Variants in ARMH4 observed in about 807,000 individuals in gnomAD.
ARMH4 encodes armadillo-like helical domain-containing protein 4.
Under a neutral mutation model 61.9 loss-of-function variants are expected in ARMH4, and 49 were observed. The observed-to-expected ratio is 0.79, with a 90% CI of 0.63 to 1.00. The LOEUF (loss-of-function observed/expected upper bound fraction) is 1.00, where lower values mean the gene tolerates loss of function less well. Among genes scored for constraint, ARMH4 ranks in the 50% least tolerant of loss-of-function variants. The probability of loss-of-function intolerance (pLI) is 0.00; values close to 1 mark genes in which losing one functional copy is unlikely to be tolerated. For missense variants in ARMH4, 934 were observed against 930.0 expected, an observed-to-expected ratio of 1.00 and a Z score of -0.06; for synonymous variants, 368 against 341.5, an observed-to-expected ratio of 1.08 and a Z score of -0.85.
Position 58,147,316 on chromosome 14 carries a change from G to T in ARMH4, c.-57+4759C>A, listed in dbSNP as rs1037861286. On this transcript the variant is annotated intron_variant, in intron 1 of 7. Coordinates refer to ENST00000267485, the MANE Select transcript of ARMH4 (RefSeq NM_001001872.4). The stretch of plus-strand genomic sequence containing the variant: ...CAATCTATTTTATACAATCCAGATG[G>T]TTTTTTTTTTTTTTTTTGATAGGAA... Among the ~76,000 whole-genome samples the T allele has an allele frequency of 7.5e-5, 10 of 132,536 alleles. No homozygotes were observed. In the South Asian group the frequency reaches 1.7e-3, roughly 22 times the overall value. 86.9% of individuals were successfully genotyped at this position (132,536 alleles called of 152,430 possible).
chr14:58,026,870 T>C (rs1054292091), intron 5 of ARMH4, among the ~76,000 whole-genome samples: 21 of 152,348 alleles, frequency 1.4e-4, no homozygotes, highest in African/African-American at 3.6e-4. Context: ...GATTGCCTAC[T>C]GACCAAGTGG....
intron 5 of ARMH4, among the ~76,000 whole-genome samples, chr14:58,053,659 C>A (rs1285225511): frequency 6.6e-6 from 1 of 152,180 alleles, no homozygotes; most frequent in African/African-American, 2.4e-5. Flanking sequence ...CTGGGGATTA[C>A]TTGATGAATG....
At chr14:58,083,297 C>T (rs1885285372) in intron 5 of ARMH4, among the ~76,000 whole-genome samples, 1 of 152,150 alleles carries the variant, frequency 6.6e-6, no homozygotes, top group African/African-American at 2.4e-5. Context: ...TATTAAGTAT[C>T]AGCCAGGCAT....
chr14:58,131,704 T>C lies in ARMH4; in HGVS notation c.1639A>G (p.Thr547Ala). Residue 547 changes from threonine to alanine, a missense_variant, in exon 4 of 8, where the codon ACA (threonine) becomes GCA (alanine). Thr to Ala is a moderately conservative substitution (Grantham distance 58, BLOSUM62 0). Transcript: ENST00000267485. ...GGTGTGAACTCCTCATTTGGCCCTGTGACTGTGTCCATTTGTTCTGCCAAA... is the reference window on the plus strand; with the variant it reads ...GGTGTGAACTCCTCATTTGGCCCTGCGACTGTGTCCATTTGTTCTGCCAAA... The part of the protein sequence containing the change: ...PTVEEQMDTV[T>A]GPNEEFTPVL... 3 of 1,613,030 alleles carry C rather than the reference T, an allele frequency of 1.9e-6. No homozygotes were observed. The highest frequency in any genetic ancestry group is 1.7e-6 in the Non-Finnish European group (2 of 1,179,960).
At chr14:58,012,195 T>A in intron 5 of ARMH4, 45 bp from the exon 6 acceptor site, 1 of 1,146,032 alleles carries the variant, frequency 8.7e-7, no homozygotes, top group East Asian at 2.6e-5. Flanking sequence ...CATCTTTTAC[T>A]TATAATTCAT....
At chr14:58,055,275 C>A (rs1374830556) in intron 5 of ARMH4, among the ~76,000 whole-genome samples, 1 of 152,176 alleles carries the variant, frequency 6.6e-6, no homozygotes, top group Non-Finnish European at 1.5e-5. Flanking sequence ...CAGAAAGCAA[C>A]AAATATGTCC....
chr14:58,114,022 A>C (rs1194062292), intron 4 of ARMH4, among the ~76,000 whole-genome samples: 2 of 151,918 alleles, frequency 1.3e-5, no homozygotes, highest in South Asian at 2.1e-4. Flanking sequence ...AGCCAATCTT[A>C]CTTGGCTTTG....
chr14:58,131,870 A>C (rs1359766472), intron 3 of ARMH4, 149 bp from the exon 4 acceptor site: 3 of 660,592 alleles, frequency 4.5e-6, no homozygotes, highest in Non-Finnish European at 7.8e-6. Flanking sequence ...CCTTTCCCAT[A>C]TTGTATTAAT....
chr14:58,096,639 T>C (rs925274811), intron 5 of ARMH4, 85 bp downstream of exon 5: 29 of 1,458,894 alleles, frequency 2.0e-5, no homozygotes, highest in African/African-American at 1.3e-4. Context: ...TTCTTTACAA[T>C]AGATGGCAAT....
chr14:58,064,450 G>A (rs1166302338), intron 5 of ARMH4, among the ~76,000 whole-genome samples: 1 of 152,174 alleles, frequency 6.6e-6, no homozygotes, highest in African/African-American at 2.4e-5. Context: ...CAAGGAGTAA[G>A]AATGCTCTTA....
intron 4 of ARMH4, among the ~76,000 whole-genome samples, chr14:58,105,096 A>T (rs1886127611): frequency 1.3e-5 from 2 of 152,334 alleles, no homozygotes; most frequent in South Asian, 2.1e-4. Context: ...TGTCATGAAC[A>T]TCTCTGAACA....
chr14:58,022,459 G>A (rs1882874880), intron 5 of ARMH4, among the ~76,000 whole-genome samples: 1 of 152,136 alleles, frequency 6.6e-6, no homozygotes, highest in African/African-American at 2.4e-5. Flanking sequence ...CCACTATTCT[G>A]CCTCATTACA....
At position 58,139,176 on chromosome 14, in the gene ARMH4, G is replaced by A; in HGVS notation, c.183C>T (p.Thr61=). ...CCACCAGTTGGGGAGTCTGCTTTGA[G>A]GTAACAGAGCTATTTTCTAGGTCAT... ...NTDDLENSSV[T]SKQTPQLVVS... is the part of the protein sequence containing the mutation. The change falls in exon 2 of 8, where the codon ACC becomes ACT. Residue 61 remains threonine, a synonymous_variant. Coordinates refer to ENST00000267485, the MANE Select transcript of ARMH4 (RefSeq NM_001001872.4). 2 of 1,614,208 alleles carry A rather than the reference G, an allele frequency of 1.2e-6. No individual in the cohort carries two copies. Among genetic ancestry groups the A allele is most frequent in the East Asian group, 4.5e-5 (2 of 44,890 alleles).
At chr14:58,110,602 GT>G (rs1199126222) in intron 4 of ARMH4, among the ~76,000 whole-genome samples, 2 of 151,970 alleles carry the variant, frequency 1.3e-5, no homozygotes, top group East Asian at 1.9e-4. Context: ...TTTAGAAGTA[GT>G]TTTTTTCATT....
intron 6 of ARMH4, among the ~76,000 whole-genome samples, chr14:58,009,500 C>G (rs1882305721): frequency 6.6e-6 from 1 of 151,952 alleles, no homozygotes; most frequent in South Asian, 2.1e-4. Context: ...CTGTGACTAT[C>G]TCCAGACTTA....
intron 5 of ARMH4, among the ~76,000 whole-genome samples, chr14:58,013,643 A>C (rs1178579492): frequency 6.6e-6 from 1 of 152,226 alleles, no homozygotes; most frequent in East Asian, 1.9e-4. Context: ...ACAGCAAACC[A>C]ATGACAAACA....
At chr14:58,114,326 A>G (rs573120790) in intron 4 of ARMH4, among the ~76,000 whole-genome samples, 106 of 152,276 alleles carry the variant, frequency 7.0e-4, no homozygotes, top group African/African-American at 2.4e-3. Context: ...GACACCTAGC[A>G]CAACAATGAT....
intron 5 of ARMH4, among the ~76,000 whole-genome samples, chr14:58,081,023 A>G (rs1230051968): frequency 6.6e-6 from 1 of 151,898 alleles, no homozygotes; most frequent in East Asian, 1.9e-4. Flanking sequence ...AATCACTTGA[A>G]CCTGAGAGGC....
intron 4 of ARMH4, among the ~76,000 whole-genome samples, chr14:58,108,668 AT>A (rs371459711): frequency 1.2e-4 from 18 of 151,428 alleles, no homozygotes; most frequent in African/African-American, 1.7e-4. Flanking sequence ...GTTGTTGCTA[AT>A]TTTTTTTTGC....
Sources: allele counts gnomAD v4.1 joint callset (sites outside exome capture counted in the v4.1 genomes callset), GRCh38; gene constraint gnomAD v4.1.1; transcripts MANE v1.5; gene names NCBI Gene and HGNC (gene_info 2026-07-23, HGNC 2026-07-21).